The following A1CF variants were observed in gnomAD, a reference collection of about 807,000 sequenced individuals.
A1CF encodes APOBEC1 complementation factor.
In A1CF, 48 loss-of-function variants were observed where a neutral mutation model predicts 68.9. The observed-to-expected ratio is 0.70, with a 90% CI of 0.55 to 0.89. The LOEUF (loss-of-function observed/expected upper bound fraction) is 0.89. Ranked by LOEUF, A1CF falls within the 40% of genes least tolerant of loss-of-function variation. A1CF has a pLI of 0.00. For synonymous variants in A1CF, 272 were observed against 260.4 expected, an observed-to-expected ratio of 1.04 and a Z score of -0.43; for missense variants, 653 against 718.9, an observed-to-expected ratio of 0.91 and a Z score of 1.05.
chr10:50,806,716 T>TA lies in A1CF; in HGVS notation c.*12dup, dbSNP rs1408387830. 5 of 1,571,804 alleles carry TA rather than the reference T, an allele frequency of 3.2e-6. No homozygotes were observed. The highest frequency in any genetic ancestry group is 4.5e-5 in the East Asian group (2 of 44,334). ...GTTTTGTGTGTCTTATTCTTAAATT[T>TA]AAAAAAGCATCTTCAGAAGGTGCCA... On this transcript the variant is annotated 3_prime_UTR_variant, in exon 13 of 13. Transcript: ENST00000373997.
chr10:50,831,784 GA>G (rs1839258992), intron 6 of A1CF, among the ~76,000 whole-genome samples: 1 of 152,048 alleles, frequency 6.6e-6, no homozygotes, highest in Non-Finnish European at 1.5e-5. Context: ...CTCAAAAGAA[GA>G]AATATAAATC....
intron 1 of A1CF, among the ~76,000 whole-genome samples, chr10:50,877,896 G>A (rs1396701155): frequency 6.6e-6 from 1 of 152,222 alleles, no homozygotes; most frequent in Admixed American, 6.5e-5. Context: ...GCTGAGGCAG[G>A]AGGATCACGA....
chr10:50,813,991 T>C lies in A1CF; in HGVS notation c.1189A>G (p.Thr397Ala). 6.2e-7 allele frequency: 1 copy of C among 1,613,844 alleles called. No individual in the cohort carries two copies. The highest frequency in any genetic ancestry group is 8.5e-7 in the Non-Finnish European group (1 of 1,179,846). The stretch of plus-strand genomic sequence containing the variant: ...ACCTGGTATCCTCGACCCAGGCCTG[T>C]GTATGCCAAATAGCCACGGCCGCCC... The part of the protein sequence containing the change: ...GLGGRGYLAY[T>A]GLGRGYQVKG... Residue 397 changes from threonine to alanine, a missense_variant, in exon 10 of 13, where the codon ACA becomes GCA. Transcript: ENST00000373997.
intron 3 of A1CF, among the ~76,000 whole-genome samples, chr10:50,856,558 T>C (rs551235528): frequency 2.0e-5 from 3 of 152,192 alleles, no homozygotes; most frequent in African/African-American, 4.8e-5. Context: ...ATCTCTAAAA[T>C]TGCAATCTTA....
At chr10:50,815,335 A>G (rs2132333918) in intron 9 of A1CF, among the ~76,000 whole-genome samples, 1 of 152,364 alleles carries the variant, frequency 6.6e-6, no homozygotes, top group Non-Finnish European at 1.5e-5. Flanking sequence ...TAGAATTCTT[A>G]CAGGATTCAA....
At position 50,874,845 on chromosome 10, in the gene A1CF, C is replaced by T. The variant is rs180979315; in HGVS notation, c.-94+10736G>A. 3.3e-5 allele frequency among the ~76,000 whole-genome samples: 5 copies of T among 152,280 alleles called. No individual in the cohort carries two copies. The East Asian group carries it at 9.6e-4, about 29-fold the overall frequency. ...ATAGCCATGACATACAGAAGCTGTG[C>T]ACAAAAACCAGACTCCCTGCCTGGA... is the stretch of plus-strand genomic sequence containing the variant. On this transcript the variant is annotated intron_variant, in intron 1 of 12. Coordinates refer to ENST00000373997, the MANE Select transcript of A1CF (RefSeq NM_014576.4).
At chr10:50,879,822 T>C (rs1236733469) in intron 1 of A1CF, among the ~76,000 whole-genome samples, 1 of 152,166 alleles carries the variant, frequency 6.6e-6, no homozygotes, top group East Asian at 1.9e-4. Context: ...TGTCTGCATG[T>C]ATTTCCTCTG....
intron 3 of A1CF, among the ~76,000 whole-genome samples, chr10:50,854,921 CA>C (rs755217937): frequency 7.9e-5 from 12 of 151,654 alleles, no homozygotes; most frequent in Non-Finnish European, 1.8e-4. Context: ...ACTAGATAAA[CA>C]AAGCTAATAC....
chr10:50,816,110 A>G lies in A1CF; in HGVS notation c.1037T>C (p.Val346Ala), dbSNP rs765230385. 5.0e-6 allele frequency: 8 copies of G among 1,613,842 alleles called. No homozygotes were observed. The highest frequency in any genetic ancestry group is 1.1e-5 in the South Asian group (1 of 91,076). ...DPTTTYLGAPVFYAPQTYAAI... is the reference protein window; with the variant it reads ...DPTTTYLGAPAFYAPQTYAAI... ...TGCATAGGTCTGGGGGGCATAGAAG[A>G]CAGGAGCTCCAAGGTAGGTTGTGGT... is the stretch of plus-strand genomic sequence containing the variant. The change falls in exon 9 of 13, where the codon GTC becomes GCC. Residue 346 changes from valine (V) to alanine (A), a missense_variant. Physicochemically the swap from Val to Ala is moderately conservative, Grantham distance 64 (BLOSUM62 0). Coordinates refer to ENST00000373997, the MANE Select transcript of A1CF (RefSeq NM_014576.4).
In A1CF at chr10:50,836,266, A is replaced by G; in HGVS notation, c.412T>C (p.Leu138=). 1 of 1,613,974 alleles carries G rather than the reference A, an allele frequency of 6.2e-7. No homozygotes were observed. The highest frequency in any genetic ancestry group is 1.7e-5 in the Admixed American group (1 of 60,008). The change falls in exon 6 of 13, where the codon TTA becomes CTA. Residue 138 remains leucine (L), a synonymous_variant. Transcript: ENST00000373997. ...GTTTTTGGGATGCCCCCAACAAATA[A>G]TCGGCAGTTGTCCACACTGGCACAA... The part of the protein sequence containing the change: ...GVCASVDNCR[L]FVGGIPKTKK...
Position 50,811,122 on chromosome 10 carries a change from G to A in A1CF, c.1378C>T (p.His460Tyr), listed in dbSNP as rs753583975. Residue 460 changes from histidine to tyrosine, a missense_variant, in exon 11 of 13, where the codon CAC (histidine) becomes TAC (tyrosine). Coordinates refer to ENST00000373997, the MANE Select transcript of A1CF (RefSeq NM_014576.4). ...CTTTGGTCTTGTCCAATAGCAGAGTGCAGCTGGTACACTGGCTGTCCCCAG... is the reference window on the plus strand; with the variant it reads ...CTTTGGTCTTGTCCAATAGCAGAGTACAGCTGGTACACTGGCTGTCCCCAG... ...NNWGQPVYQL[H>Y]SAIGQDQRQL... 6.2e-7 allele frequency: 1 copy of A among 1,613,432 alleles called. No individual in the cohort carries two copies. Among genetic ancestry groups the A allele is most frequent in the Admixed American group, 1.7e-5 (1 of 59,976 alleles).
At chr10:50,833,490 A>ATCCTGTTCTTAGGCCAAC in intron 6 of A1CF, among the ~76,000 whole-genome samples, 1 of 152,192 alleles carries the variant, frequency 6.6e-6, no homozygotes, top group Non-Finnish European at 1.5e-5. Context: ...GAGATTTCTC[A>ATCCTGTTCTTAGGCCAAC]AGGGGGAACT....
intron 1 of A1CF, among the ~76,000 whole-genome samples, chr10:50,872,026 T>A (rs993099215): frequency 2.0e-5 from 3 of 152,078 alleles, no homozygotes; most frequent in African/African-American, 7.2e-5. Context: ...AGAAATATTA[T>A]CTGTAATATA....
intron 6 of A1CF, chr10:50,828,532 C>T (rs985853533): frequency 1.8e-5 from 6 of 331,492 alleles, no homozygotes; most frequent in Admixed American, 1.3e-4. Flanking sequence ...GGAACCAGGA[C>T]GTGGTTTGAG....
chr10:50,860,716 G>A (rs1363483679), intron 2 of A1CF, among the ~76,000 whole-genome samples: 1 of 152,108 alleles, frequency 6.6e-6, no homozygotes, highest in Admixed American at 6.6e-5. Context: ...TATAATTTCA[G>A]CATTTCATTG....
intron 5 of A1CF, among the ~76,000 whole-genome samples, chr10:50,840,803 G>C (rs943622735): frequency 5.3e-5 from 8 of 152,110 alleles, no homozygotes; most frequent in African/African-American, 1.9e-4. Context: ...AATGTAAAGT[G>C]CCCTAAAAGG....
intron 7 of A1CF, among the ~76,000 whole-genome samples, chr10:50,825,300 C>T (rs1448513390): frequency 6.6e-6 from 1 of 152,076 alleles, no homozygotes; most frequent in Non-Finnish European, 1.5e-5. Flanking sequence ...AAGGATATTA[C>T]TACTATGATA....
At chr10:50,820,518 T>A in intron 8 of A1CF, 34 bp downstream of exon 8, 1 of 1,589,598 alleles carries the variant, frequency 6.3e-7, no homozygotes, top group Non-Finnish European at 8.6e-7. Flanking sequence ...AACTTGGATG[T>A]AATCTGCATA....
At chr10:50,868,444 A>G (rs1276452955) in intron 1 of A1CF, among the ~76,000 whole-genome samples, 1 of 152,224 alleles carries the variant, frequency 6.6e-6, no homozygotes, top group Non-Finnish European at 1.5e-5. Context: ...CATGAGCCAT[A>G]GCAAAATTAA....
Sources: allele counts gnomAD v4.1 joint callset (sites outside exome capture counted in the v4.1 genomes callset), GRCh38; gene constraint gnomAD v4.1.1; transcripts MANE v1.5; gene names NCBI Gene and HGNC (gene_info 2026-07-23, HGNC 2026-07-21).